The following CLCA1 variants were observed in gnomAD, a reference collection of about 807,000 sequenced individuals.
CLCA1 encodes chloride channel accessory 1.
In CLCA1, 59 loss-of-function variants were observed where a neutral mutation model predicts 85.6. The observed-to-expected ratio is 0.69, with a 90% CI of 0.56 to 0.86. CLCA1 has a LOEUF of 0.86. CLCA1 is among the 40% of genes least tolerant of loss of function. The pLI is 0.00. For missense variants in CLCA1, 1,022 were observed against 1,101.4 expected, an observed-to-expected ratio of 0.93 and a Z score of 1.02; for synonymous variants, 396 against 398.3, an observed-to-expected ratio of 0.99 and a Z score of 0.07.
intron 4 of CLCA1, among the ~76,000 whole-genome samples, chr1:86,477,153 C>G (rs1196449027): frequency 6.6e-6 from 1 of 152,116 alleles, no homozygotes; most frequent in Non-Finnish European, 1.5e-5. Context: ...GCAGGGTGTC[C>G]TTATGTTGCC....
At position 86,473,398 on chromosome 1, in the gene CLCA1, G is replaced by C. The variant is rs1209598624; in HGVS notation, c.163-19G>C. 6.6e-7 allele frequency: 1 copy of C among 1,513,688 alleles called. No individual in the cohort carries two copies. The highest frequency in any genetic ancestry group is 2.3e-5 in the East Asian group (1 of 43,720). 93.8% of individuals were successfully genotyped at this position (1,513,688 alleles called of 1,614,324 possible). On this transcript the variant is annotated intron_variant, in intron 1 of 13. Transcript: ENST00000394711. ...TTATTTTCAGTCAATTGTTACGTAT[G>C]TTTTCTTTTTCTTCCCAGGACATGG... is the stretch of plus-strand genomic sequence containing the variant.
chr1:86,493,128 T>C (rs985897708), intron 9 of CLCA1, among the ~76,000 whole-genome samples: 1 of 149,154 alleles, frequency 6.7e-6, no homozygotes, highest in Non-Finnish European at 1.5e-5. Context: ...AAGAGTACGA[T>C]AATAAAGTCA....
Position 86,494,177 on chromosome 1 carries a change from T to C in CLCA1, c.1681-10T>C. 1 of 1,613,770 alleles carries C rather than the reference T, an allele frequency of 6.2e-7. No homozygotes were observed. The highest frequency in any genetic ancestry group is 8.5e-7 in the Non-Finnish European group (1 of 1,179,678). ...TATTCATTGGAAATGTTTACATGTG[T>C]TTTGGTCAGGTTGGCACTTGGAAAT... On this transcript the variant is annotated splice_polypyrimidine_tract_variant and intron_variant, in intron 10 of 13. Coordinates refer to ENST00000394711, the MANE Select transcript of CLCA1 (RefSeq NM_001285.4).
At chr1:86,490,579 A>G (rs1475781712) in intron 8 of CLCA1, among the ~76,000 whole-genome samples, 1 of 152,194 alleles carries the variant, frequency 6.6e-6, no homozygotes. Flanking sequence ...AAATAAGAGT[A>G]AATCGATAGT....
intron 4 of CLCA1, among the ~76,000 whole-genome samples, chr1:86,481,587 C>A (rs967342457): frequency 2.6e-5 from 4 of 152,068 alleles, no homozygotes; most frequent in Non-Finnish European, 5.9e-5. Flanking sequence ...TAGCTCATTT[C>A]TGATGGTGAG....
chr1:86,485,770 T>C (rs568086034), intron 6 of CLCA1, among the ~76,000 whole-genome samples: 1 of 152,358 alleles, frequency 6.6e-6, no homozygotes, highest in East Asian at 1.9e-4. Flanking sequence ...ATTTTCAATT[T>C]ATGAACCAAG....
rs1648400095 is a variant in CLCA1 at position 86,499,681 on chromosome 1, CA to C, written c.2383del (p.Ser795ValfsTer15). 6.3e-7 allele frequency: 1 copy of C among 1,595,674 alleles called. No individual in the cohort carries two copies. The highest frequency in any genetic ancestry group is 8.6e-7 in the Non-Finnish European group (1 of 1,164,692). On this transcript the variant is annotated frameshift_variant, in exon 14 of 14. Coordinates refer to ENST00000394711, the MANE Select transcript of CLCA1 (RefSeq NM_001285.4). LOFTEE classifies it low-confidence loss of function (END_TRUNC). ...TAHKYIIRISTSILDLRDKFN... is the reference protein window; with the variant it reads ...TAHKYIIRISXSILDLRDKFN... ...CACAAGTATATCATTCGAATAAGTA[CA>C]AGTATTCTTGATCTCAGAGACAAGT...
intron 8 of CLCA1, among the ~76,000 whole-genome samples, chr1:86,490,762 T>C (rs1178354918): frequency 6.6e-6 from 1 of 151,982 alleles, no homozygotes; most frequent in Non-Finnish European, 1.5e-5. Context: ...AAGCTATTAT[T>C]TACTAAGATT....
chr1:86,498,787 G>A lies in CLCA1; in HGVS notation c.2329G>A (p.Gly777Arg), dbSNP rs757903958. 1 of 1,614,006 alleles carries A rather than the reference G, an allele frequency of 6.2e-7. No individual in the cohort carries two copies. The highest frequency in any genetic ancestry group is 2.2e-5 in the East Asian group (1 of 44,874). Reference protein sequence around the residue: ...SLINLTWTAPGDDYDHGTAHK... With the variant: ...SLINLTWTAPRDDYDHGTAHK... The stretch of plus-strand genomic sequence containing the variant: ...CATTAATCTGACTTGGACAGCTCCT[G>A]GGGATGATTATGACCATGGAACAGG... The change falls in exon 13 of 14, where the codon GGG becomes AGG. Residue 777 changes from glycine (G) to arginine (R), a missense_variant. Transcript: ENST00000394711.
Position 86,473,851 on chromosome 1 carries a change from A to G in CLCA1, c.426A>G (p.Lys142=), listed in dbSNP as rs1647568076. ...TCACTCCTGATTTCATTGCAGGAAAAAAGTTAGCTGAATATGGACCACAAG... is the reference window on the plus strand; with the variant it reads ...TCACTCCTGATTTCATTGCAGGAAAGAAGTTAGCTGAATATGGACCACAAG... ...IHLTPDFIAG[K]KLAEYGPQGR... The change falls in exon 3 of 14, where the codon AAA becomes AAG. Residue 142 remains lysine (K), a synonymous_variant. Transcript: ENST00000394711. 6.2e-7 allele frequency: 1 copy of G among 1,607,900 alleles called. No homozygotes were observed. The highest frequency in any genetic ancestry group is 1.7e-5 in the Admixed American group (1 of 58,406).
intron 7 of CLCA1, among the ~76,000 whole-genome samples, chr1:86,487,689 G>A (rs1363617813): frequency 1.3e-5 from 2 of 152,062 alleles, no homozygotes; most frequent in African/African-American, 4.8e-5. Context: ...CACTGACTCA[G>A]CCCCACCCTG....
chr1:86,494,517 G>T, intron 11 of CLCA1, 69 bp downstream of exon 11: 1 of 1,562,866 alleles, frequency 6.4e-7, no homozygotes, highest in East Asian at 2.3e-5. Context: ...TGCCAAGAGG[G>T]CATGGTCTGG....
intron 10 of CLCA1, 115 bp from the exon 11 acceptor site, chr1:86,494,072 C>T: frequency 8.5e-7 from 1 of 1,180,874 alleles, no homozygotes; most frequent in Non-Finnish European, 1.2e-6. Flanking sequence ...CACACCTCTT[C>T]TTAGATATGC....
intron 4 of CLCA1, 89 bp from the exon 5 acceptor site, chr1:86,482,116 A>T: frequency 1.1e-6 from 1 of 949,986 alleles, no homozygotes; most frequent in South Asian, 1.8e-5. Flanking sequence ...GGAAAATCAC[A>T]GAAAGGCAAT....
chr1:86,500,011 A>T lies in CLCA1; in HGVS notation c.2711A>T (p.Lys904Met). Residue 904 changes from lysine (K) to methionine (M), a missense_variant, in exon 14 of 14, where the codon AAG becomes ATG. Coordinates refer to ENST00000394711, the MANE Select transcript of CLCA1 (RefSeq NM_001285.4). ...ATTCACATTTTAAAAATTATGTGGA[A>T]GTGGATAGGAGAACTGCAGCTGTCA... ...PGIHILKIMW[K>M]WIGELQLSIA The T allele has an allele frequency of 6.2e-7, 1 of 1,612,088 alleles. No homozygotes were observed. The highest frequency in any genetic ancestry group is 8.5e-7 in the Non-Finnish European group (1 of 1,178,190).
In CLCA1 at chr1:86,482,187, AC is replaced by A; in HGVS notation, c.558-16del. 1 of 1,603,202 alleles carries A rather than the reference AC, an allele frequency of 6.2e-7. No homozygotes were observed. Among genetic ancestry groups the A allele is most frequent in the Non-Finnish European group, 8.5e-7 (1 of 1,170,878 alleles). ...AATGACGACATCACCTAAACATCTA[AC>A]CTTCCTATATTTTCAGATGTTCAGC... On this transcript the variant is annotated splice_polypyrimidine_tract_variant and intron_variant, in intron 4 of 13. Coordinates refer to ENST00000394711, the MANE Select transcript of CLCA1 (RefSeq NM_001285.4).
chr1:86,473,782 T>G lies in CLCA1; in HGVS notation c.357T>G (p.Thr119=). Residue 119 remains threonine (T), a synonymous_variant, in exon 3 of 14, where the codon ACT becomes ACG. Transcript: ENST00000394711. ...CTCCAGGTAATGATGAACCCTACAC[T>G]GAGCAGATGGGCAACTGTGGAGAGA... The part of the protein sequence containing the change: ...STPPGNDEPY[T]EQMGNCGEKG... The G allele has an allele frequency of 6.2e-7, 1 of 1,612,196 alleles. No homozygotes were observed. The highest frequency in any genetic ancestry group is 8.5e-7 in the Non-Finnish European group (1 of 1,178,788).
At chr1:86,495,846 T>C (rs1648269209) in intron 12 of CLCA1, among the ~76,000 whole-genome samples, 171 bp downstream of exon 12, 1 of 152,176 alleles carries the variant, frequency 6.6e-6, no homozygotes, top group African/African-American at 2.4e-5. Context: ...ATCCTGCACA[T>C]TGTGGCATGT....
intron 3 of CLCA1, among the ~76,000 whole-genome samples, chr1:86,474,731 C>T (rs1647599183): frequency 6.6e-6 from 1 of 152,092 alleles, no homozygotes; most frequent in Non-Finnish European, 1.5e-5. Context: ...AAAGAAAAAA[C>T]TCCAATGATA....
Sources: gnomAD v4.1 joint callset for allele counts (sites outside exome capture counted in the v4.1 genomes callset) on GRCh38, gnomAD v4.1.1 for gene constraint, MANE v1.5 for transcripts, NCBI Gene and HGNC (gene_info 2026-07-23, HGNC 2026-07-21) for gene names.